SPTAN1: variants seen among roughly 807,000 people sequenced by gnomAD.
The protein encoded by SPTAN1 is spectrin alpha, non-erythrocytic 1, also known as spectrin alpha chain, non-erythrocytic 1.
In SPTAN1, 61 loss-of-function variants were observed where a neutral mutation model predicts 331.3. The observed-to-expected ratio is 0.18, with a 90% CI of 0.15 to 0.23. The LOEUF (loss-of-function observed/expected upper bound fraction) is 0.23. Among genes scored for constraint, SPTAN1 ranks in the 10% least tolerant of loss-of-function variants. The pLI, the probability that SPTAN1 is intolerant of heterozygous loss-of-function variation, is 1.00. For synonymous variants in SPTAN1, 1,153 were observed against 1,173.9 expected (o/e 0.98, Z 0.36); for missense variants, 2,043 against 3,147.9 (o/e 0.65, Z 8.40).
At position 128,608,959 on chromosome 9, in the gene SPTAN1, G is replaced by A. The variant is rs182272113; in HGVS notation, c.4577G>A (p.Arg1526His). 1.2e-6 allele frequency: 2 copies of A among 1,614,210 alleles called. No homozygotes were observed. Among genetic ancestry groups the A allele is most frequent in the Non-Finnish European group, 1.7e-6 (2 of 1,180,032 alleles). The change falls in exon 35 of 57, where the codon CGC (arginine) becomes CAC (histidine). Residue 1526 changes from arginine (R) to histidine (H), a missense_variant. Around this residue, in one of 12 missense-constraint regions of SPTAN1, gnomAD observed 40 missense variants for 32.6 expected, o/e 1.23. Coordinates refer to ENST00000372739, the MANE Select transcript of SPTAN1 (RefSeq NM_001130438.3). ...HYAKGDISSR[R>H]NEVLDRWRRL... Reference sequence around the variant, plus strand: ...GCCAAGGGAGACATTTCTAGCCGGCGCAATGAGGTCTTGGACAGGTGGGTG... The same window carrying A: ...GCCAAGGGAGACATTTCTAGCCGGCACAATGAGGTCTTGGACAGGTGGGTG...
chr9:128,590,199 G>A (rs1302511581), intron 21 of SPTAN1, among the ~76,000 whole-genome samples: 2 of 152,172 alleles, frequency 1.3e-5, no homozygotes, highest in South Asian at 2.1e-4. Flanking sequence ...GAGGAAACCT[G>A]TGATTCTTAT....
rs758830664 is a variant in SPTAN1 at position 128,577,352 on chromosome 9, G to A, written c.931G>A (p.Val311Ile). 2.5e-6 allele frequency: 4 copies of A among 1,614,038 alleles called. No individual in the cohort carries two copies. The highest frequency in any genetic ancestry group is 3.4e-6 in the Non-Finnish European group (4 of 1,180,036). Reference protein sequence around the residue: ...ERDLAALEDKVKALCAEADRL... With the variant: ...ERDLAALEDKIKALCAEADRL... Reference sequence around the variant, plus strand: ...TAGTTCTGACGGAGTTCATTTCTAGGTCAAAGCCCTGTGTGCTGAGGCTGA... The same window carrying A: ...TAGTTCTGACGGAGTTCATTTCTAGATCAAAGCCCTGTGTGCTGAGGCTGA... Residue 311 changes from valine (V) to isoleucine (I), a missense_variant and splice_region_variant, in exon 8 of 57, where the codon GTC becomes ATC. This residue lies in a region of SPTAN1 where 1,038 missense variants were observed against 1,531.5 expected (regional missense o/e 0.68). Coordinates refer to ENST00000372739, the MANE Select transcript of SPTAN1 (RefSeq NM_001130438.3). This position sits in a 1 kb window ranked among gnomAD's most constrained non-coding sequence, Gnocchi z 4.2.
intron 31 of SPTAN1, among the ~76,000 whole-genome samples, chr9:128,606,510 G>A (rs1351196671): frequency 1.6e-5 from 2 of 127,168 alleles, no homozygotes; most frequent in Non-Finnish European, 3.3e-5. Context: ...GGGGGGAAGC[G>A]TTTCGCTTTT....
chr9:128,569,286 G>A (rs934223454), intron 3 of SPTAN1, among the ~76,000 whole-genome samples: 1 of 152,148 alleles, frequency 6.6e-6, no homozygotes, highest in African/African-American at 2.4e-5. Flanking sequence ...CTGTGGGAAA[G>A]CTTGCTGTCT....
chr9:128,575,170 A>T, intron 4 of SPTAN1, 29 bp from the exon 5 acceptor site: 1 of 1,613,934 alleles, frequency 6.2e-7, no homozygotes, highest in Middle Eastern at 1.6e-4. Context: ...TTGGTTGGTG[A>T]CTCTGGCTCT....
intron 37 of SPTAN1, among the ~76,000 whole-genome samples, chr9:128,611,162 A>AT (rs1856517217): frequency 6.6e-6 from 1 of 152,216 alleles, no homozygotes; most frequent in African/African-American, 2.4e-5. Flanking sequence ...AATAGCTAGC[A>AT]TAGCTACTGC....
intron 21 of SPTAN1, among the ~76,000 whole-genome samples, chr9:128,589,666 C>T (rs1853199937): frequency 6.6e-6 from 1 of 151,332 alleles, no homozygotes; most frequent in Non-Finnish European, 1.5e-5. Flanking sequence ...AGCTCCACCT[C>T]CCAGGTTCAC....
intron 26 of SPTAN1, chr9:128,599,550 C>T (rs540428033): frequency 5.7e-5 from 10 of 175,356 alleles, no homozygotes; most frequent in Middle Eastern, 3.0e-3. Flanking sequence ...CTTTGTTGCC[C>T]AGACTGGAGG....
At chr9:128,602,364 C>T (rs1855283548) in intron 27 of SPTAN1, among the ~76,000 whole-genome samples, 1 of 150,262 alleles carries the variant, frequency 6.7e-6, no homozygotes, top group African/African-American at 2.5e-5. Flanking sequence ...TTACAGGCAC[C>T]CGCCACCATG....
intron 1 of SPTAN1, among the ~76,000 whole-genome samples, chr9:128,563,676 C>T (rs1483711256): frequency 6.6e-6 from 1 of 151,728 alleles, no homozygotes; most frequent in Non-Finnish European, 1.5e-5. Context: ...ACAGCATCTG[C>T]AACATTCAGC....
At chr9:128,602,497 G>A (rs911797855) in intron 27 of SPTAN1, among the ~76,000 whole-genome samples, 7 of 152,094 alleles carry the variant, frequency 4.6e-5, no homozygotes, top group Admixed American at 2.0e-4. Flanking sequence ...GATTACAGGC[G>A]TGAGCCATCA....
intron 1 of SPTAN1, among the ~76,000 whole-genome samples, chr9:128,555,620 CTT>C (rs751209866): frequency 4.7e-4 from 23 of 49,450 alleles, no homozygotes; most frequent in African/African-American, 8.8e-4. Context: ...TTTGCAAAGC[CTT>C]TTTTTTTTTT....
At chr9:128,599,076 T>G (rs1013519403) in intron 26 of SPTAN1, 90 bp downstream of exon 26, 3 of 1,274,750 alleles carry the variant, frequency 2.4e-6, no homozygotes, top group Non-Finnish European at 3.4e-6. Flanking sequence ...TTCATCAGAA[T>G]TGCTGTTCCT....
At chr9:128,553,900 T>C (rs987434584) in intron 1 of SPTAN1, among the ~76,000 whole-genome samples, 3 of 152,076 alleles carry the variant, frequency 2.0e-5, no homozygotes, top group Admixed American at 1.3e-4. Flanking sequence ...ACAGAATGTA[T>C]CAAAGATGGA....
chr9:128,618,804 A>G (rs764281706), intron 43 of SPTAN1, 67 bp from the exon 44 acceptor site: 1 of 1,611,320 alleles, frequency 6.2e-7, no homozygotes, highest in Admixed American at 1.7e-5. Context: ...TTTTAAGCAT[A>G]TGTTAACTAT....
chr9:128,557,687 G>A (rs942617044), intron 1 of SPTAN1, among the ~76,000 whole-genome samples: 8 of 151,438 alleles, frequency 5.3e-5, no homozygotes, highest in Admixed American at 3.9e-4. Context: ...AGATATTCAT[G>A]TCTAATCTAT....
At chr9:128,609,004 T>G in intron 35 of SPTAN1, 27 bp downstream of exon 35, 1 of 1,613,924 alleles carries the variant, frequency 6.2e-7, no homozygotes, top group Non-Finnish European at 8.5e-7. Flanking sequence ...ACTGACATAG[T>G]CACCAGCCCT....
At chr9:128,597,604 A>T (rs1483074944) in intron 24 of SPTAN1, among the ~76,000 whole-genome samples, 1 of 152,322 alleles carries the variant, frequency 6.6e-6, no homozygotes, top group Non-Finnish European at 1.5e-5. Context: ...ATCCATAGGG[A>T]TACCTGTTGA....
Position 128,607,587 on chromosome 9 carries a change from G to C in SPTAN1, c.4047-17G>C. ...CAGGTAATATAATAGCTATTTTTCTGGGGTGCTGGTTTCCAGGGACCTCAT... is the reference window on the plus strand; with the variant it reads ...CAGGTAATATAATAGCTATTTTTCTCGGGTGCTGGTTTCCAGGGACCTCAT... On this transcript the variant is annotated splice_polypyrimidine_tract_variant and intron_variant, in intron 31 of 56. Transcript: ENST00000372739. 6.2e-7 allele frequency: 1 copy of C among 1,604,744 alleles called. No homozygotes were observed. Among genetic ancestry groups the C allele is most frequent in the Non-Finnish European group, 8.5e-7 (1 of 1,171,560 alleles).
Sources: gnomAD v4.1 joint callset for allele counts (sites outside exome capture counted in the v4.1 genomes callset) on GRCh38, gnomAD v4.1.1 for gene constraint, gnomAD v4.1.1 regional missense constraint, Gnocchi (gnomAD v3.1) non-coding constraint, MANE v1.5 for transcripts, NCBI Gene and HGNC (gene_info 2026-07-23, HGNC 2026-07-21) for gene names.